DLG2: variants seen among roughly 807,000 people sequenced by gnomAD.
DLG2 encodes the protein disks large homolog 2.
A neutral mutation model predicts 132.5 loss-of-function variants in DLG2; 45 were observed. The observed-to-expected ratio is 0.34, with a 90% CI of 0.27 to 0.44. The LOEUF (loss-of-function observed/expected upper bound fraction) is 0.44. Ranked by LOEUF, DLG2 falls within the 20% of genes least tolerant of loss-of-function variation. The pLI is 1.00. For missense variants in DLG2, 1,045 were observed against 1,196.9 expected, an observed-to-expected ratio of 0.87 and a Z score of 1.87; for synonymous variants, 424 against 419.6, an observed-to-expected ratio of 1.01 and a Z score of -0.13.
intron 6 of DLG2, among the ~76,000 whole-genome samples, chr11:84,641,051 G>A (rs74787350): frequency 0.018 from 2,725 of 152,092 alleles, 31 homozygotes; most frequent in Middle Eastern, 0.045. Flanking sequence ...TTTCCCTCTG[G>A]GGAAACTGAT....
rs181766470 is a variant in DLG2, at chr11:85,158,136, C to T, written c.187-3485G>A. Among the ~76,000 whole-genome samples the T allele has an allele frequency of 1.4e-3, 210 of 152,120 alleles. 1 individual carries two copies. The highest frequency in any genetic ancestry group is 4.8e-3 in the African/African-American group (199 of 41,476). On this transcript the variant is annotated intron_variant, in intron 4 of 27. Coordinates refer to ENST00000376104, the MANE Select transcript of DLG2 (RefSeq NM_001142699.3). ...GACCTATAAGGAGGTACACTATACT[C>T]AAAAAGAACTACTTGAATTTTCTAA...
At chr11:84,358,077 G>T (rs187917380) in intron 7 of DLG2, among the ~76,000 whole-genome samples, 1 of 151,908 alleles carries the variant, frequency 6.6e-6, no homozygotes, top group Admixed American at 6.6e-5. Flanking sequence ...ACAAAAATCT[G>T]CTCCGTATAG....
chr11:83,715,880 C>A (rs981700740), intron 18 of DLG2, among the ~76,000 whole-genome samples: 37 of 152,140 alleles, frequency 2.4e-4, no homozygotes, highest in African/African-American at 8.9e-4. Context: ...TGTTTCACAC[C>A]TCAGCTTTGA....
At chr11:85,537,892 G>A (rs2075703330) in intron 3 of DLG2, among the ~76,000 whole-genome samples, 1 of 151,892 alleles carries the variant, frequency 6.6e-6, no homozygotes, top group Non-Finnish European at 1.5e-5. Context: ...CCAGGTGGGT[G>A]GATCATGAGG....
intron 7 of DLG2, among the ~76,000 whole-genome samples, chr11:84,340,214 C>T (rs182759107): frequency 2.0e-5 from 3 of 152,320 alleles, no homozygotes; most frequent in African/African-American, 7.2e-5. Flanking sequence ...TCTAAAATTG[C>T]TTTTAACACA....
chr11:85,123,568 T>C (rs981983536), intron 5 of DLG2, among the ~76,000 whole-genome samples: 2 of 152,212 alleles, frequency 1.3e-5, no homozygotes, highest in African/African-American at 4.8e-5. Context: ...ACAAAGAAAT[T>C]GAGCACAGAG....
intron 6 of DLG2, among the ~76,000 whole-genome samples, chr11:84,681,260 G>A (rs1395831928): frequency 6.6e-6 from 1 of 152,066 alleles, no homozygotes; most frequent in African/African-American, 2.4e-5. Flanking sequence ...CTGATATGGG[G>A]GTATAAGTGT....
chr11:85,018,575 T>C (rs74968832), intron 6 of DLG2, among the ~76,000 whole-genome samples: 2,984 of 152,278 alleles, frequency 0.02, 52 homozygotes, highest in Admixed American at 0.042. Flanking sequence ...GGGAAAGTTC[T>C]TTCAGATTAG....
At chr11:83,655,867 C>G (rs553822222) in intron 18 of DLG2, among the ~76,000 whole-genome samples, 168 of 152,326 alleles carry the variant, frequency 1.1e-3, no homozygotes, top group Admixed American at 2.7e-3. Flanking sequence ...CTGTCACATA[C>G]TGTTTTACTG....
intron 11 of DLG2, among the ~76,000 whole-genome samples, chr11:84,053,076 T>C (rs1322465495): frequency 2.0e-5 from 3 of 152,018 alleles, no homozygotes; most frequent in South Asian, 2.1e-4. Flanking sequence ...TGGAATACTA[T>C]GCAGCCATAA....
chr11:84,744,019 C>A (rs2065037444), intron 6 of DLG2, among the ~76,000 whole-genome samples: 1 of 152,074 alleles, frequency 6.6e-6, no homozygotes, highest in African/African-American at 2.4e-5. Flanking sequence ...CCACCGTGCC[C>A]GGCCGGAAAC....
At chr11:84,424,353 T>G (rs2098959977) in intron 7 of DLG2, among the ~76,000 whole-genome samples, 1 of 152,092 alleles carries the variant, frequency 6.6e-6, no homozygotes, top group South Asian at 2.1e-4. Flanking sequence ...AGGCAGAGAA[T>G]GACATGAAAT....
At chr11:84,497,449 T>C (rs560223249) in intron 7 of DLG2, among the ~76,000 whole-genome samples, 1 of 152,200 alleles carries the variant, frequency 6.6e-6, no homozygotes, top group South Asian at 2.1e-4. Flanking sequence ...TGTGAGTATA[T>C]ATCCCACTAT....
chr11:85,434,553 C>T (rs1001373702), intron 3 of DLG2, among the ~76,000 whole-genome samples: 3 of 152,154 alleles, frequency 2.0e-5, no homozygotes, highest in Non-Finnish European at 2.9e-5. Context: ...CACCTCTATG[C>T]AAATAAACTA....
rs186356974 is a variant in DLG2, at chr11:83,512,981, G to A, written c.2193+19727C>T. Among the ~76,000 whole-genome samples the A allele has an allele frequency of 2.4e-3, 366 of 152,228 alleles. 1 individual carries two copies. The highest frequency in any genetic ancestry group is 3.9e-3 in the Non-Finnish European group (265 of 68,020). ...AGTCTTTGCTATTGTGAATAGTGCCGCAATAAACATACCTGTGCATCTATC... is the reference window on the plus strand; with the variant it reads ...AGTCTTTGCTATTGTGAATAGTGCCACAATAAACATACCTGTGCATCTATC... On this transcript the variant is annotated intron_variant, in intron 21 of 27. Coordinates refer to ENST00000376104, the MANE Select transcript of DLG2 (RefSeq NM_001142699.3).
At chr11:84,040,756 A>G (rs1191041046) in intron 11 of DLG2, among the ~76,000 whole-genome samples, 2 of 150,632 alleles carry the variant, frequency 1.3e-5, no homozygotes, top group African/African-American at 2.4e-5. Flanking sequence ...AATTCTGTGA[A>G]GAAAGTCATT....
intron 3 of DLG2, among the ~76,000 whole-genome samples, chr11:85,594,607 A>G (rs1259765371): frequency 4.6e-5 from 7 of 152,340 alleles, no homozygotes; most frequent in Admixed American, 4.6e-4. Context: ...GTAATGACTA[A>G]AGAATAACAC....
chr11:84,588,471 A>G (rs2099534985), intron 6 of DLG2, among the ~76,000 whole-genome samples: 1 of 152,128 alleles, frequency 6.6e-6, no homozygotes, highest in Non-Finnish European at 1.5e-5. Flanking sequence ...ACAGATAGCT[A>G]TGATTTATCC....
intron 9 of DLG2, among the ~76,000 whole-genome samples, chr11:84,113,428 G>A (rs1438830347): frequency 2.6e-5 from 4 of 152,040 alleles, no homozygotes; most frequent in South Asian, 2.1e-4. Context: ...ATTCAGTTTC[G>A]GGTATTTCAC....
Sources: gnomAD v4.1 joint callset for allele counts (sites outside exome capture counted in the v4.1 genomes callset) on GRCh38, gnomAD v4.1.1 for gene constraint, MANE v1.5 for transcripts, NCBI Gene and HGNC (gene_info 2026-07-23, HGNC 2026-07-21) for gene names.